MFSD6: variants seen among roughly 807,000 people sequenced by gnomAD.
The protein encoded by MFSD6 is major facilitator superfamily domain containing 6, also known as major facilitator superfamily domain-containing protein 6.
In MFSD6, 26 loss-of-function variants were observed where a neutral mutation model predicts 56.3. The ratio of observed to expected loss-of-function variants is 0.46; its 90% CI spans 0.34 to 0.64. MFSD6 has a LOEUF of 0.64. Among genes scored for constraint, MFSD6 ranks in the 30% least tolerant of loss-of-function variants. The pLI is 0.01. For missense variants in MFSD6, 750 were observed against 986.2 expected (o/e 0.76, Z 3.21); for synonymous variants, 331 against 366.9 (o/e 0.90, Z 1.12).
rs138475692 is a variant in MFSD6 at position 190,497,413 on chromosome 2, T to C, written c.1892-26T>C. On this transcript the variant is annotated intron_variant, in intron 6 of 7. Transcript: ENST00000392328. The surrounding 1 kb of genome is among the most constrained non-coding windows in gnomAD (Gnocchi z 5.2). ...AAATATGTAGAAAATGCTGAAAAAATAGTTTAAACATTCTTTTCTCTCCAG... is the reference window on the plus strand; with the variant it reads ...AAATATGTAGAAAATGCTGAAAAAACAGTTTAAACATTCTTTTCTCTCCAG... 1.1e-4 allele frequency: 177 copies of C among 1,599,664 alleles called. 3 individuals carry two copies. The highest frequency in any genetic ancestry group is 6.0e-4 in the East Asian group (27 of 44,694).
Position 190,436,533 on chromosome 2 carries a change from C to G in MFSD6, c.504C>G (p.His168Gln). Residue 168 changes from histidine (H) to glutamine (Q), a missense_variant, in exon 3 of 8, where the codon CAC (histidine) becomes CAG (glutamine). This residue lies in a region of MFSD6 where 376 missense variants were observed against 437.9 expected (regional missense o/e 0.86). Coordinates refer to ENST00000392328, the MANE Select transcript of MFSD6 (RefSeq NM_017694.4). The surrounding 1 kb of genome is among the most constrained non-coding windows in gnomAD (Gnocchi z 5.3). ...TACCAAAGATTCGCCCAACAACTCA[C>G]CCCACCAATGCAAGTCACCAGTTAA... is the stretch of plus-strand genomic sequence containing the variant. ...RCVPKIRPTTHPTNASHQLTI... is the reference protein window; with the variant it reads ...RCVPKIRPTTQPTNASHQLTI... The G allele has an allele frequency of 6.2e-7, 1 of 1,614,242 alleles. No individual in the cohort carries two copies. The highest frequency in any genetic ancestry group is 2.2e-5 in the East Asian group (1 of 44,892).
In MFSD6 at chr2:190,415,838, T is replaced by C. The variant is rs977252370; in HGVS notation, c.-54+425T>C. ...CTTGAGATCTATATTCTGGTCTCAATTGTAAACTCATAAAAGGTCTGAGAA... is the reference window on the plus strand; with the variant it reads ...CTTGAGATCTATATTCTGGTCTCAACTGTAAACTCATAAAAGGTCTGAGAA... On this transcript the variant is annotated intron_variant, in intron 2 of 7. Coordinates refer to ENST00000392328, the MANE Select transcript of MFSD6 (RefSeq NM_017694.4). The surrounding 1 kb of genome is among the most constrained non-coding windows in gnomAD (Gnocchi z 4.5). Among the ~76,000 whole-genome samples, 39 of 152,350 alleles carry C rather than the reference T, an allele frequency of 2.6e-4. No homozygotes were observed. Among genetic ancestry groups the C allele is most frequent in the African/African-American group, 8.7e-4 (36 of 41,580 alleles).
rs919383721 is a variant in MFSD6, at chr2:190,413,292, A to G, written c.-175-2000A>G. On this transcript the variant is annotated intron_variant, in intron 1 of 7. Transcript: ENST00000392328. The surrounding 1 kb of genome is among the most constrained non-coding windows in gnomAD (Gnocchi z 4.1). ...CATTTTAGGATGGGAGGGGCGGGGTAGAATGGGGGAGAATAGGGCAAAGAT... is the reference window on the plus strand; with the variant it reads ...CATTTTAGGATGGGAGGGGCGGGGTGGAATGGGGGAGAATAGGGCAAAGAT... Among the ~76,000 whole-genome samples the G allele has an allele frequency of 3.9e-5, 6 of 152,078 alleles. No individual in the cohort carries two copies. Among genetic ancestry groups the G allele is most frequent in the African/African-American group, 7.2e-5 (3 of 41,394 alleles).
chr2:190,430,549 A>G (rs1369963152), intron 2 of MFSD6, among the ~76,000 whole-genome samples: 1 of 152,040 alleles, frequency 6.6e-6, no homozygotes, highest in African/African-American at 2.4e-5. Context: ...CAGGATCCCA[A>G]GGCAGAAGAA....
In MFSD6 at chr2:190,497,768, C is replaced by G. The variant is rs369914263; in HGVS notation, c.2172+49C>G. On this transcript the variant is annotated intron_variant, in intron 7 of 7. Transcript: ENST00000392328. The surrounding 1 kb of genome is among the most constrained non-coding windows in gnomAD (Gnocchi z 5.2). ...CAATATTACCTGTCACTCAAGATACCTTAACTGGGCTCAGTTTTAATTACT... is the reference window on the plus strand; with the variant it reads ...CAATATTACCTGTCACTCAAGATACGTTAACTGGGCTCAGTTTTAATTACT... 54 of 1,544,420 alleles carry G rather than the reference C, an allele frequency of 3.5e-5. No homozygotes were observed. The highest frequency in any genetic ancestry group is 1.1e-4 in the Admixed American group (6 of 54,496).
rs1318469036 is a variant in MFSD6, at chr2:190,487,053, T to G, written c.1631-1604T>G. On this transcript the variant is annotated intron_variant, in intron 4 of 7. Transcript: ENST00000392328. This position sits in a 1 kb window ranked among gnomAD's most constrained non-coding sequence, Gnocchi z 5.5. ...CACTCATTTTTTTAACTGAACTATATATTAAGAAGCATGGCTGGGTGCAGT... is the reference window on the plus strand; with the variant it reads ...CACTCATTTTTTTAACTGAACTATAGATTAAGAAGCATGGCTGGGTGCAGT... Among the ~76,000 whole-genome samples the G allele has an allele frequency of 6.6e-6, 1 of 152,100 alleles. No individual in the cohort carries two copies. Among genetic ancestry groups the G allele is most frequent in the Non-Finnish European group, 1.5e-5 (1 of 68,006 alleles).
At position 190,416,646 on chromosome 2, in the gene MFSD6, T is replaced by G. The variant is rs1690787356; in HGVS notation, c.-54+1233T>G. 6.6e-6 allele frequency among the ~76,000 whole-genome samples: 1 copy of G among 152,184 alleles called. No individual in the cohort carries two copies. Among genetic ancestry groups the G allele is most frequent in the Non-Finnish European group, 1.5e-5 (1 of 68,032 alleles). The stretch of plus-strand genomic sequence containing the variant: ...TCTGGGAAAAGTGCTTTTGGCATAA[T>G]TGCAAAATAAGACCCAGAGTTTTAA... On this transcript the variant is annotated intron_variant, in intron 2 of 7. Coordinates refer to ENST00000392328, the MANE Select transcript of MFSD6 (RefSeq NM_017694.4). This position sits in a 1 kb window ranked among gnomAD's most constrained non-coding sequence, Gnocchi z 4.1.
intron 1 of MFSD6, chr2:190,411,784 A>C (rs1690575484): frequency 1.0e-6 from 1 of 985,298 alleles, no homozygotes; most frequent in Non-Finnish European, 1.2e-6. Flanking sequence ...TTTTTCTAAT[A>C]GTAACTGTAG....
chr2:190,455,232 TATTA>T (rs1226211176), intron 3 of MFSD6, among the ~76,000 whole-genome samples: 5 of 151,910 alleles, frequency 3.3e-5, no homozygotes. Flanking sequence ...ATTAAGTTAC[TATTA>T]ATTACTATGA....
intron 4 of MFSD6, chr2:190,477,143 A>G (rs1184056403): frequency 4.4e-6 from 2 of 452,742 alleles, no homozygotes; most frequent in Non-Finnish European, 5.8e-6. Context: ...AATATGGCAC[A>G]TGTATACATA....
rs1385245853 is a variant in MFSD6 at position 190,451,692 on chromosome 2, C to A, written c.1532+14131C>A. On this transcript the variant is annotated intron_variant, in intron 3 of 7. Transcript: ENST00000392328. This position sits in a 1 kb window ranked among gnomAD's most constrained non-coding sequence, Gnocchi z 5.0. ...ATTTGAGCAGAGTCCTGAATGGAAG[C>A]CCCCAGTGAAGATCTTGGGGACAGA... is the stretch of plus-strand genomic sequence containing the variant. 6.6e-6 allele frequency among the ~76,000 whole-genome samples: 1 copy of A among 152,154 alleles called. No individual in the cohort carries two copies. The highest frequency in any genetic ancestry group is 1.5e-5 in the Non-Finnish European group (1 of 68,030).
rs138330447 is a variant in MFSD6, at chr2:190,488,028, G to A, written c.1631-629G>A. Among the ~76,000 whole-genome samples, 1,716 of 152,124 alleles carry A rather than the reference G, an allele frequency of 0.011. 39 individuals carry two copies. The highest frequency in any genetic ancestry group is 0.038 in the African/African-American group (1,574 of 41,482). ...AACGATTCCACTGCCTCAGCCTCCC[G>A]AGTAGCTGGGACTATAGGCGTGCAC... On this transcript the variant is annotated intron_variant, in intron 4 of 7. Coordinates refer to ENST00000392328, the MANE Select transcript of MFSD6 (RefSeq NM_017694.4). The surrounding 1 kb of genome is among the most constrained non-coding windows in gnomAD (Gnocchi z 6.4).
Position 190,438,846 on chromosome 2 carries a change from A to G in MFSD6, c.1532+1285A>G, listed in dbSNP as rs996882308. Among the ~76,000 whole-genome samples, 4 of 152,214 alleles carry G rather than the reference A, an allele frequency of 2.6e-5. No homozygotes were observed. The highest frequency in any genetic ancestry group is 9.7e-5 in the African/African-American group (4 of 41,440). ...ACTGAAGAAAATATTTTCTAATTTA[A>G]AGTTTCAACCTAGTATCAACCATTT... On this transcript the variant is annotated intron_variant, in intron 3 of 7. Coordinates refer to ENST00000392328, the MANE Select transcript of MFSD6 (RefSeq NM_017694.4). The surrounding 1 kb of genome is among the most constrained non-coding windows in gnomAD (Gnocchi z 5.2).
intron 4 of MFSD6, among the ~76,000 whole-genome samples, chr2:190,478,172 G>A (rs79262911): frequency 0.15 from 22,293 of 152,146 alleles, 1,852 homozygotes; most frequent in Middle Eastern, 0.22. Context: ...GGCAGGCTAC[G>A]ATACATACTT....
Position 190,459,577 on chromosome 2 carries a change from G to A in MFSD6, c.1533-10181G>A, listed in dbSNP as rs1224030565. Among the ~76,000 whole-genome samples, 1 of 152,078 alleles carries A rather than the reference G, an allele frequency of 6.6e-6. No individual in the cohort carries two copies. Among genetic ancestry groups the A allele is most frequent in the Non-Finnish European group, 1.5e-5 (1 of 68,018 alleles). ...AAGTGGTTGGGTTCCATTAATCAAG[G>A]TTCTCTTTTGTTTTAAACATCTCTA... is the stretch of plus-strand genomic sequence containing the variant. On this transcript the variant is annotated intron_variant, in intron 3 of 7. Coordinates refer to ENST00000392328, the MANE Select transcript of MFSD6 (RefSeq NM_017694.4). The surrounding 1 kb of genome is among the most constrained non-coding windows in gnomAD (Gnocchi z 5.3).
Position 190,490,512 on chromosome 2 carries a change from G to A in MFSD6, c.1891+646G>A, listed in dbSNP as rs536525550. 1.3e-5 allele frequency among the ~76,000 whole-genome samples: 2 copies of A among 151,868 alleles called. No homozygotes were observed. The highest frequency in any genetic ancestry group is 2.4e-5 in the African/African-American group (1 of 41,440). On this transcript the variant is annotated intron_variant, in intron 6 of 7. Coordinates refer to ENST00000392328, the MANE Select transcript of MFSD6 (RefSeq NM_017694.4). The surrounding 1 kb of genome is among the most constrained non-coding windows in gnomAD (Gnocchi z 4.5). ...CAGGAGGTGGAGCTTGCAGTGAGCC[G>A]AGATAGCACCACTGCAGTCCAGCCT...
Position 190,459,414 on chromosome 2 carries a change from G to A in MFSD6, c.1533-10344G>A, listed in dbSNP as rs990941447. 6.6e-6 allele frequency among the ~76,000 whole-genome samples: 1 copy of A among 152,170 alleles called. No individual in the cohort carries two copies. The highest frequency in any genetic ancestry group is 2.4e-5 in the African/African-American group (1 of 41,418). ...CAGTGATTCTTCTCAGGAAATTATA[G>A]TGTTTGTGTCATATGTATACCTTAA... On this transcript the variant is annotated intron_variant, in intron 3 of 7. Coordinates refer to ENST00000392328, the MANE Select transcript of MFSD6 (RefSeq NM_017694.4). This position sits in a 1 kb window ranked among gnomAD's most constrained non-coding sequence, Gnocchi z 5.3.
At chr2:190,482,903 T>TTTTTTTTTG (rs544591315) in intron 4 of MFSD6, among the ~76,000 whole-genome samples, 3,329 of 86,120 alleles carry the variant, frequency 0.039, 1,212 homozygotes, top group Non-Finnish European at 0.053. Flanking sequence ...TTTTTTTTTT[T>TTTTTTTTTG]AGACGGAGTC....
chr2:190,444,046 C>T (rs1201733365), intron 3 of MFSD6, among the ~76,000 whole-genome samples: 2 of 152,024 alleles, frequency 1.3e-5, no homozygotes, highest in African/African-American at 4.8e-5. Flanking sequence ...CAGAGCAAGA[C>T]CCTGTTTCAA....
Sources: allele counts gnomAD v4.1 joint callset (sites outside exome capture counted in the v4.1 genomes callset), GRCh38; gene constraint gnomAD v4.1.1; regional missense constraint gnomAD v4.1.1; non-coding constraint Gnocchi (gnomAD v3.1); transcripts MANE v1.5; gene names NCBI Gene and HGNC (gene_info 2026-07-23, HGNC 2026-07-21).